Variants in PCDHGC5 observed in about 807,000 individuals in gnomAD.
PCDHGC5 encodes the protein protocadherin gamma-C5.
PCDHGC5 carries 25 observed loss-of-function variants against 59.0 expected under a neutral mutation model. That is an observed-to-expected ratio of 0.42 (90% CI 0.31 to 0.59). PCDHGC5 has a LOEUF of 0.59. Ranked by LOEUF, PCDHGC5 falls within the 20% of genes least tolerant of loss-of-function variation. The pLI, the probability that PCDHGC5 is intolerant of heterozygous loss-of-function variation, is 0.13. For missense variants in PCDHGC5, 1,067 were observed against 1,206.4 expected, an observed-to-expected ratio of 0.88 and a Z score of 1.71; for synonymous variants, 434 against 505.5, an observed-to-expected ratio of 0.86 and a Z score of 1.90.
intron 3 of PCDHGC5, among the ~76,000 whole-genome samples, chr5:141,505,697 C>T (rs540949327): frequency 1.4e-4 from 21 of 152,198 alleles, no homozygotes; most frequent in Admixed American, 7.2e-4. Context: ...TGGAGGAGAG[C>T]GAACAAGGAA....
rs781346812 is a variant in PCDHGC5, at chr5:141,489,773, T to A, written c.533T>A (p.Phe178Tyr). 6.2e-7 allele frequency: 1 copy of A among 1,614,102 alleles called. No individual in the cohort carries two copies. The highest frequency in any genetic ancestry group is 8.5e-7 in the Non-Finnish European group (1 of 1,179,984). ...TACACTCTAAGCCCCAACAGCCACT[T>A]CTCTCTGAATGTGAAGACCCTAAAA... is the stretch of plus-strand genomic sequence containing the variant. ...SFYTLSPNSH[F>Y]SLNVKTLKDG... is the part of the protein sequence containing the mutation. Residue 178 changes from phenylalanine (F) to tyrosine (Y), a missense_variant, in exon 1 of 4, where the codon TTC becomes TAC. Transcript: ENST00000252087. The surrounding 1 kb of genome is among the most constrained non-coding windows in gnomAD (Gnocchi z 4.5).
Position 141,490,888 on chromosome 5 carries a change from C to G in PCDHGC5, c.1648C>G (p.Leu550Val). The G allele has an allele frequency of 1.2e-6, 2 of 1,613,358 alleles. No individual in the cohort carries two copies. The highest frequency in any genetic ancestry group is 1.7e-6 in the Non-Finnish European group (2 of 1,179,390). The change falls in exon 1 of 4, where the codon CTG becomes GTG. Residue 550 changes from leucine to valine, a missense_variant. By Grantham distance (32) the Leu-to-Val change is conservative (BLOSUM62 1). Transcript: ENST00000252087. This position sits in a 1 kb window ranked among gnomAD's most constrained non-coding sequence, Gnocchi z 5.4. The part of the protein sequence containing the change: ...GSPPLHANTS[L>V]HVFVLDENDN... Reference sequence around the variant, plus strand: ...TCCCCCATTGCATGCCAACACATCTCTGCATGTGTTTGTCCTAGACGAGAA... The same window carrying G: ...TCCCCCATTGCATGCCAACACATCTGTGCATGTGTTTGTCCTAGACGAGAA...
At position 141,489,300 on chromosome 5, in the gene PCDHGC5, C is replaced by T; in HGVS notation, c.60C>T (p.Ser20=). 1 of 1,585,700 alleles carries T rather than the reference C, an allele frequency of 6.3e-7. No individual in the cohort carries two copies. The highest frequency in any genetic ancestry group is 1.3e-5 in the African/African-American group (1 of 74,388). Residue 20 remains serine, a synonymous_variant, in exon 1 of 4, where the codon TCC becomes TCT. Coordinates refer to ENST00000252087, the MANE Select transcript of PCDHGC5 (RefSeq NM_018929.3). This position sits in a 1 kb window ranked among gnomAD's most constrained non-coding sequence, Gnocchi z 4.5. The stretch of plus-strand genomic sequence containing the variant: ...AATGGCAAGTGCTGTGCATGTTGTC[C>T]TTGTGCTGCTGGGGCTGGGTGTCTG... ...AGKWQVLCML[S]LCCWGWVSGQ...
intron 3 of PCDHGC5, among the ~76,000 whole-genome samples, chr5:141,510,531 T>C (rs1459536719): frequency 6.6e-6 from 1 of 152,078 alleles, no homozygotes; most frequent in Non-Finnish European, 1.5e-5. Context: ...CTGAGAGAAA[T>C]ACCAGCGAAT....
rs766092387 is a variant in PCDHGC5 at position 141,491,171 on chromosome 5, T to C, written c.1931T>C (p.Val644Ala). 7.4e-6 allele frequency: 12 copies of C among 1,613,968 alleles called. No individual in the cohort carries two copies. The highest frequency in any genetic ancestry group is 1.3e-5 in the African/African-American group (1 of 74,904). Residue 644 changes from valine (V) to alanine (A), a missense_variant, in exon 1 of 4, where the codon GTG (valine) becomes GCG (alanine). Coordinates refer to ENST00000252087, the MANE Select transcript of PCDHGC5 (RefSeq NM_018929.3). The surrounding 1 kb of genome is among the most constrained non-coding windows in gnomAD (Gnocchi z 6.9). ...LLEDDSDTQQ[V>A]VVLVRDNGDP... The stretch of plus-strand genomic sequence containing the variant: ...GAGGATGACTCTGACACCCAGCAGG[T>C]GGTGGTCCTGGTGAGGGACAATGGT...
intron 1 of PCDHGC5, 79 bp from the exon 2 acceptor site, chr5:141,494,728 C>T (rs2099756337): frequency 1.2e-6 from 2 of 1,609,984 alleles, no homozygotes; most frequent in Admixed American, 3.3e-5. Context: ...TCCTTCTCTC[C>T]CGGCCCATCC....
chr5:141,501,475 G>A (rs1305778190), intron 2 of PCDHGC5, among the ~76,000 whole-genome samples: 5 of 152,014 alleles, frequency 3.3e-5, no homozygotes, highest in Admixed American at 3.3e-4. Flanking sequence ...AATCCTGGAA[G>A]AGTCCCTCAT....
chr5:141,507,365 C>G (rs1279257057), intron 3 of PCDHGC5: 1 of 152,092 alleles, frequency 6.6e-6, no homozygotes, highest in African/African-American at 2.4e-5. Context: ...ACTGGGAGCC[C>G]TGTACTTTTA....
chr5:141,504,941 T>G (rs2099842166), intron 2 of PCDHGC5, among the ~76,000 whole-genome samples: 1 of 152,046 alleles, frequency 6.6e-6, no homozygotes, highest in East Asian at 1.9e-4. Flanking sequence ...GGTGGGGGAA[T>G]GCACTATGTT....
intron 1 of PCDHGC5, 48 bp from the exon 2 acceptor site, chr5:141,494,759 C>CT: frequency 6.2e-7 from 1 of 1,613,886 alleles, no homozygotes; most frequent in Non-Finnish European, 8.5e-7. Flanking sequence ...GGGTGACATT[C>CT]TAACTTCTCA....
chr5:141,499,634 C>A (rs1194596079), intron 2 of PCDHGC5, among the ~76,000 whole-genome samples: 1 of 151,220 alleles, frequency 6.6e-6, no homozygotes, highest in Non-Finnish European at 1.5e-5. Flanking sequence ...TCTTTTGAAG[C>A]AAATCTCAGA....
chr5:141,503,362 G>A (rs565902559), intron 2 of PCDHGC5, among the ~76,000 whole-genome samples: 32 of 152,054 alleles, frequency 2.1e-4, no homozygotes, highest in African/African-American at 6.5e-4. Context: ...TTTGGGAAGC[G>A]GAGGCAGGTG....
At chr5:141,508,760 T>A (rs1004267844) in intron 3 of PCDHGC5, among the ~76,000 whole-genome samples, 17 of 151,522 alleles carry the variant, frequency 1.1e-4, no homozygotes, top group Admixed American at 1.1e-3. Flanking sequence ...CTCTGGCGCC[T>A]CTGAGGTCCC....
At chr5:141,500,182 A>ATTT (rs1199992745) in intron 2 of PCDHGC5, among the ~76,000 whole-genome samples, 1 of 131,622 alleles carries the variant, frequency 7.6e-6, no homozygotes, top group African/African-American at 3.1e-5. Context: ...CTTCATTTTT[A>ATTT]TTTTTATTTA....
chr5:141,502,629 G>A (rs1368174848), intron 2 of PCDHGC5, among the ~76,000 whole-genome samples: 1 of 152,096 alleles, frequency 6.6e-6, no homozygotes, highest in Non-Finnish European at 1.5e-5. Context: ...GTAATCTGTG[G>A]ATGATACTTT....
intron 3 of PCDHGC5, 154 bp from the exon 4 acceptor site, chr5:141,510,793 G>GAGA: frequency 1.1e-6 from 1 of 935,078 alleles, no homozygotes; most frequent in Non-Finnish European, 1.3e-6. Context: ...CTCTTGTGAA[G>GAGA]AGAGACTACC....
Position 141,505,427 on chromosome 5 carries a change from A to G in PCDHGC5, c.2554A>G (p.Asn852Asp), listed in dbSNP as rs1453435374. Reference protein sequence around the residue: ...QNGDDTGTWPNNQFDTEMLQA... With the variant: ...QNGDDTGTWPDNQFDTEMLQA... The stretch of plus-strand genomic sequence containing the variant: ...TGGCGATGACACCGGCACCTGGCCC[A>G]ACAACCAGTTTGACACAGAGATGCT... The change falls in exon 3 of 4, where the codon AAC (asparagine) becomes GAC (aspartate). Residue 852 changes from asparagine to aspartate, a missense_variant. Physicochemically the swap from Asn to Asp is conservative, Grantham distance 23 (BLOSUM62 1). Coordinates refer to ENST00000252087, the MANE Select transcript of PCDHGC5 (RefSeq NM_018929.3). 1 of 1,614,230 alleles carries G rather than the reference A, an allele frequency of 6.2e-7. No individual in the cohort carries two copies. Among genetic ancestry groups the G allele is most frequent in the East Asian group, 2.2e-5 (1 of 44,878 alleles).
At chr5:141,504,817 G>T in intron 2 of PCDHGC5, among the ~76,000 whole-genome samples, 1 of 151,940 alleles carries the variant, frequency 6.6e-6, no homozygotes, top group East Asian at 1.9e-4. Flanking sequence ...TACCTCCTAG[G>T]TCCCCACTTT....
chr5:141,500,184 T>TTTTA (rs58019021), intron 2 of PCDHGC5, among the ~76,000 whole-genome samples: 28,743 of 135,782 alleles, frequency 0.21, 3,285 homozygotes, highest in African/African-American at 0.3. Context: ...TCATTTTTAT[T>TTTTA]TTTATTTATT....
Sources: allele counts gnomAD v4.1 joint callset (sites outside exome capture counted in the v4.1 genomes callset), GRCh38; gene constraint gnomAD v4.1.1; non-coding constraint Gnocchi (gnomAD v3.1); transcripts MANE v1.5; gene names NCBI Gene and HGNC (gene_info 2026-07-23, HGNC 2026-07-21).